LMX1B: variants seen among roughly 807,000 people sequenced by gnomAD.
LMX1B encodes the protein LIM homeobox transcription factor 1 beta.
A neutral mutation model predicts 51.4 loss-of-function variants in LMX1B; 12 were observed. That is an observed-to-expected ratio of 0.23 (90% CI 0.15 to 0.38). The LOEUF is 0.38. LMX1B is among the 10% of genes least tolerant of loss of function. LMX1B has a pLI of 1.00. For missense variants in LMX1B, 445 were observed against 571.1 expected, an observed-to-expected ratio of 0.78 and a Z score of 2.25; for synonymous variants, 237 against 235.4, an observed-to-expected ratio of 1.01 and a Z score of -0.06.
intron 2 of LMX1B, among the ~76,000 whole-genome samples, chr9:126,666,632 G>T (rs749845174): frequency 6.6e-6 from 1 of 152,214 alleles, no homozygotes; most frequent in Non-Finnish European, 1.5e-5. Flanking sequence ...CGTGCTTTAC[G>T]TACGCATGTT....
intron 2 of LMX1B, among the ~76,000 whole-genome samples, chr9:126,689,213 T>C (rs371187515): frequency 4.9e-4 from 74 of 152,302 alleles, no homozygotes; most frequent in African/African-American, 1.7e-3. Context: ...GGGTGCCCCC[T>C]GCTGAGTGCT....
intron 2 of LMX1B, among the ~76,000 whole-genome samples, chr9:126,654,203 C>A (rs1272236145): frequency 6.6e-6 from 1 of 152,242 alleles, no homozygotes; most frequent in African/African-American, 2.4e-5. Flanking sequence ...TCCTCTTGGG[C>A]AGCTCCTGCC....
At position 126,693,825 on chromosome 9, in the gene LMX1B, C is replaced by A; in HGVS notation, c.886+13C>A. On this transcript the variant is annotated intron_variant, in intron 6 of 7. Transcript: ENST00000373474. ...CGGCTGGGCCAGGGTGAGCCGGGGC[C>A]GGGGCAGGGCCTGGGCCAGGGTGAG... is the stretch of plus-strand genomic sequence containing the variant. 1 of 1,199,726 alleles carries A rather than the reference C, an allele frequency of 8.3e-7. No individual in the cohort carries two copies. The highest frequency in any genetic ancestry group is 1.2e-6 in the Non-Finnish European group (1 of 840,224). The allele number at this position is 1,199,726 out of a possible 1,614,324, so 74.3% of individuals were successfully genotyped here.
intron 2 of LMX1B, among the ~76,000 whole-genome samples, chr9:126,662,518 G>A (rs913341680): frequency 2.6e-5 from 4 of 152,128 alleles, no homozygotes. Flanking sequence ...AGCCCAGTCT[G>A]GGAGAGCAGC....
intron 2 of LMX1B, among the ~76,000 whole-genome samples, chr9:126,653,430 A>G (rs540493208): frequency 6.6e-6 from 1 of 152,172 alleles, no homozygotes; most frequent in South Asian, 2.1e-4. Flanking sequence ...TGTTGGGATT[A>G]CAGGCTTGAC....
At chr9:126,614,788 C>G (rs1020068974) in intron 1 of LMX1B, among the ~76,000 whole-genome samples, 200 bp downstream of exon 1, 2 of 152,146 alleles carry the variant, frequency 1.3e-5, no homozygotes, top group South Asian at 4.1e-4. Context: ...GACAGGACAG[C>G]TCCAGTCGCC....
intron 2 of LMX1B, among the ~76,000 whole-genome samples, chr9:126,645,220 G>A (rs965008574): frequency 2.0e-5 from 3 of 152,196 alleles, no homozygotes; most frequent in African/African-American, 7.2e-5. Flanking sequence ...CACTCCAGAT[G>A]GGCACCTTTC....
intron 2 of LMX1B, among the ~76,000 whole-genome samples, chr9:126,629,660 C>T (rs771667679): frequency 3.3e-5 from 5 of 152,108 alleles, no homozygotes; most frequent in Non-Finnish European, 5.9e-5. Flanking sequence ...TCATTTTATG[C>T]TGCTTGTGGT....
intron 2 of LMX1B, among the ~76,000 whole-genome samples, chr9:126,622,137 G>C (rs1341103051): frequency 6.6e-6 from 1 of 152,176 alleles, no homozygotes; most frequent in Middle Eastern, 3.2e-3. Flanking sequence ...TACATTTGTG[G>C]GGAGGCTTTG....
chr9:126,692,509 G>A (rs1331379066), intron 3 of LMX1B, among the ~76,000 whole-genome samples: 1 of 152,242 alleles, frequency 6.6e-6, no homozygotes, highest in Non-Finnish European at 1.5e-5. Flanking sequence ...CTGTCCAGAT[G>A]CATGCATGCC....
At position 126,615,210 on chromosome 9, in the gene LMX1B, A is replaced by G. The variant is rs1275064096; in HGVS notation, c.140-173A>G. The stretch of plus-strand genomic sequence containing the variant: ...CGCCGGAGCCCGAGGACTGGGACGG[A>G]CTAGCCGGGGCCGCCCGGCCCCTGG... On this transcript the variant is annotated intron_variant, in intron 1 of 7. Transcript: ENST00000373474. The surrounding 1 kb of genome is among the most constrained non-coding windows in gnomAD (Gnocchi z 6.0). 6.6e-6 allele frequency among the ~76,000 whole-genome samples: 1 copy of G among 151,584 alleles called. No homozygotes were observed. Among genetic ancestry groups the G allele is most frequent in the Non-Finnish European group, 1.5e-5 (1 of 67,850 alleles).
At chr9:126,617,889 G>A (rs1835332557) in intron 2 of LMX1B, among the ~76,000 whole-genome samples, 1 of 117,352 alleles carries the variant, frequency 8.5e-6, no homozygotes, top group Admixed American at 1.1e-4. Context: ...GCGTTAGGCC[G>A]GCCGGCAGGA....
Position 126,698,103 on chromosome 9 carries a change from G to C in LMX1B, c.*1652G>C, listed in dbSNP as rs1024610085. On this transcript the variant is annotated 3_prime_UTR_variant, in exon 8 of 8. Coordinates refer to ENST00000373474, the MANE Select transcript of LMX1B (RefSeq NM_001174147.2). The stretch of plus-strand genomic sequence containing the variant: ...TTGGTCAGGCTGGTCTCCAACCCCC[G>C]ACCTCAGGTGATCCGCCTGCCTCGG... 1 of 148,208 alleles carries C rather than the reference G, an allele frequency of 6.7e-6. No individual in the cohort carries two copies. Among genetic ancestry groups the C allele is most frequent in the African/African-American group, 2.4e-5 (1 of 41,188 alleles). 9.2% of individuals were successfully genotyped at this position (148,208 alleles called of 1,614,324 possible).
At chr9:126,684,946 G>A (rs1209151462) in intron 2 of LMX1B, among the ~76,000 whole-genome samples, 9 of 152,166 alleles carry the variant, frequency 5.9e-5, no homozygotes, top group African/African-American at 1.9e-4. Flanking sequence ...AGACCCCTAG[G>A]AGCAGAATAC....
At chr9:126,686,732 A>T (rs2029905027) in intron 2 of LMX1B, among the ~76,000 whole-genome samples, 2 of 152,118 alleles carry the variant, frequency 1.3e-5, no homozygotes, top group Non-Finnish European at 2.9e-5. Flanking sequence ...GAGTATCTGG[A>T]GTATCTGGTG....
rs1027150776 is a variant in LMX1B at position 126,629,504 on chromosome 9, C to T, written c.326+13935C>T. Among the ~76,000 whole-genome samples the T allele has an allele frequency of 2.0e-5, 3 of 152,144 alleles. No homozygotes were observed. The South Asian group carries it at 6.2e-4, about 32-fold the overall frequency. ...GGTCACACAGCTAGTAAATGGAACC[C>T]AGGCATTGTGTCACGAGAAAACTTT... On this transcript the variant is annotated intron_variant, in intron 2 of 7. Transcript: ENST00000373474.
intron 2 of LMX1B, among the ~76,000 whole-genome samples, chr9:126,648,618 G>A (rs1203657891): frequency 6.6e-6 from 1 of 152,202 alleles, no homozygotes; most frequent in Non-Finnish European, 1.5e-5. Flanking sequence ...AAAGCAAGGA[G>A]CACAGAGATT....
intron 2 of LMX1B, among the ~76,000 whole-genome samples, chr9:126,669,104 G>A (rs550449681): frequency 2.0e-4 from 30 of 152,204 alleles, no homozygotes; most frequent in Non-Finnish European, 3.4e-4. Context: ...CCTGGACCCC[G>A]AGGGCGGAGG....
intron 4 of LMX1B, 27 bp downstream of exon 4, chr9:126,693,350 C>T (rs1370246296): frequency 3.8e-6 from 6 of 1,578,962 alleles, no homozygotes; most frequent in Non-Finnish European, 5.2e-6. Flanking sequence ...GGGCGGGGCT[C>T]AGGCTGATGC....
Sources: allele counts gnomAD v4.1 joint callset (sites outside exome capture counted in the v4.1 genomes callset), GRCh38; gene constraint gnomAD v4.1.1; non-coding constraint Gnocchi (gnomAD v3.1); transcripts MANE v1.5; gene names NCBI Gene and HGNC (gene_info 2026-07-23, HGNC 2026-07-21).